The following ROBO2 variants were observed in gnomAD, a reference collection of about 807,000 sequenced individuals.
The protein encoded by ROBO2 is roundabout guidance receptor 2, also known as roundabout homolog 2.
ROBO2 carries 53 observed loss-of-function variants against 160.8 expected under a neutral mutation model. The ratio of observed to expected loss-of-function variants is 0.33; its 90% CI spans 0.26 to 0.41. The LOEUF is 0.41. ROBO2 is among the 10% of genes least tolerant of loss of function. The pLI is 1.00. For missense variants in ROBO2, 1,577 were observed against 1,722.4 expected (o/e 0.92, Z 1.49); for synonymous variants, 664 against 611.7 (o/e 1.09, Z -1.26).
At chr3:75,964,761 T>C (rs1391465983) in intron 2 of ROBO2, among the ~76,000 whole-genome samples, 2 of 151,640 alleles carry the variant, frequency 1.3e-5, no homozygotes, top group African/African-American at 2.4e-5. Flanking sequence ...TATCCCTGCA[T>C]TCTTATCATG....
intron 2 of ROBO2, among the ~76,000 whole-genome samples, chr3:77,299,547 A>G (rs1426272515): frequency 6.6e-6 from 1 of 152,162 alleles, no homozygotes; most frequent in Non-Finnish European, 1.5e-5. Flanking sequence ...GCAAAGGGGA[A>G]AAAGCCCCTT....
chr3:77,048,154 C>A (rs2064876238), intron 1 of ROBO2, among the ~76,000 whole-genome samples: 1 of 152,134 alleles, frequency 6.6e-6, no homozygotes, highest in Non-Finnish European at 1.5e-5. Flanking sequence ...TTATTCCCTG[C>A]CTAGTATGAA....
chr3:76,140,557 T>C (rs1286482899), intron 2 of ROBO2, among the ~76,000 whole-genome samples: 2 of 151,986 alleles, frequency 1.3e-5, no homozygotes, highest in African/African-American at 2.4e-5. Context: ...TATCACTTTA[T>C]AGTCTACCTG....
intron 2 of ROBO2, among the ~76,000 whole-genome samples, chr3:76,492,672 C>T (rs570049670): frequency 2.6e-5 from 4 of 151,958 alleles, no homozygotes; most frequent in African/African-American, 4.8e-5. Flanking sequence ...ATTTGTCCAT[C>T]GTCTTGTATG....
chr3:77,540,695 C>G (rs1243833443), intron 6 of ROBO2, among the ~76,000 whole-genome samples: 1 of 152,194 alleles, frequency 6.6e-6, no homozygotes, highest in Non-Finnish European at 1.5e-5. Flanking sequence ...ACCTATGTAA[C>G]AAACCCGCAC....
chr3:75,968,782 AT>A (rs2064889463), intron 2 of ROBO2, among the ~76,000 whole-genome samples: 1 of 42,042 alleles, frequency 2.4e-5, no homozygotes, highest in Non-Finnish European at 7.6e-5. Flanking sequence ...CTGTTTCTAT[AT>A]ACTTGGCTTG....
At chr3:76,269,270 C>T (rs1002934529) in intron 2 of ROBO2, among the ~76,000 whole-genome samples, 3 of 152,062 alleles carry the variant, frequency 2.0e-5, no homozygotes, top group Admixed American at 2.0e-4. Flanking sequence ...CAAAACGTCT[C>T]ATGTACCTCA....
In ROBO2 at chr3:76,322,164, G is replaced by GTATATATATATA. The variant is rs200388202; in HGVS notation, c.109+384591_109+384602dup. On this transcript the variant is annotated intron_variant, in intron 2 of 26. Coordinates refer to the ROBO2 transcript ENST00000487694. ...ATTTGAAATGATTTCTACTTCTTCC[G>GTATATATATATA]TATATATATATATATATATATATAT... Among the ~76,000 whole-genome samples the GTATATATATATA allele has an allele frequency of 2.7e-3, 287 of 108,024 alleles. 2 individuals carry two copies. The highest frequency in any genetic ancestry group is 4.3e-3 in the African/African-American group (96 of 22,452). 70.9% of individuals were successfully genotyped at this position (108,024 alleles called of 152,430 possible). A position where few individuals can be genotyped will look rare whatever the true frequency, so the allele number is the denominator to read the frequency against.
chr3:77,631,340 C>G (rs2095158164), intron 23 of ROBO2: 1 of 152,066 alleles, frequency 6.6e-6, no homozygotes, highest in African/African-American at 2.4e-5. Flanking sequence ...AGGCAACACT[C>G]CTAACTATTC....
At chr3:76,617,921 C>T (rs778878416) in intron 2 of ROBO2, among the ~76,000 whole-genome samples, 4 of 151,552 alleles carry the variant, frequency 2.6e-5, no homozygotes, top group Admixed American at 6.6e-5. Context: ...GATTCAATTA[C>T]CTCCCACTGG....
intron 2 of ROBO2, among the ~76,000 whole-genome samples, chr3:77,216,076 A>T (rs2084900882): frequency 6.6e-6 from 1 of 152,174 alleles, no homozygotes; most frequent in African/African-American, 2.4e-5. Flanking sequence ...CTCCAGCTGC[A>T]TGCTGGGAGA....
chr3:75,954,192 TTTC>T (rs529229520), intron 2 of ROBO2, among the ~76,000 whole-genome samples: 190 of 151,912 alleles, frequency 1.3e-3, no homozygotes, highest in African/African-American at 4.5e-3. Flanking sequence ...ATGTCTGAGT[TTTC>T]TTCTTCTCTG....
At chr3:77,096,586 T>G (rs1334649810) in intron 1 of ROBO2, among the ~76,000 whole-genome samples, 4 of 151,894 alleles carry the variant, frequency 2.6e-5, no homozygotes, top group Admixed American at 1.3e-4. Context: ...GTAGCTGGGA[T>G]TATAGGTGTC....
At chr3:75,969,111 C>CT (rs915595806) in intron 2 of ROBO2, among the ~76,000 whole-genome samples, 13 of 148,938 alleles carry the variant, frequency 8.7e-5, no homozygotes, top group East Asian at 2.0e-4. Context: ...CAATTTTAAT[C>CT]TTTTTTTTAA....
Position 77,107,499 on chromosome 3 carries a change from C to G in ROBO2, c.388+9159C>G, listed in dbSNP as rs1023512818. Among the ~76,000 whole-genome samples, 3 of 152,100 alleles carry G rather than the reference C, an allele frequency of 2.0e-5. 1 individual carries two copies. Among genetic ancestry groups the G allele is most frequent in the Middle Eastern group, 3.2e-3 (1 of 316 alleles). On this transcript the variant is annotated intron_variant, in intron 2 of 25. Transcript: ENST00000461745. Reference sequence around the variant, plus strand: ...GCGAATTAAAAATAATTTTTAAAAACTAACAAAAATATACCAACAAGAAAT... The same window carrying G: ...GCGAATTAAAAATAATTTTTAAAAAGTAACAAAAATATACCAACAAGAAAT...
At chr3:76,080,299 A>C (rs1307888429) in intron 2 of ROBO2, among the ~76,000 whole-genome samples, 1 of 152,202 alleles carries the variant, frequency 6.6e-6, no homozygotes, top group African/African-American at 2.4e-5. Flanking sequence ...TGGTTGCCTC[A>C]AATATCCCAA....
At chr3:76,087,563 G>A (rs2069063093) in intron 2 of ROBO2, among the ~76,000 whole-genome samples, 1 of 151,846 alleles carries the variant, frequency 6.6e-6, no homozygotes, top group Non-Finnish European at 1.5e-5. Context: ...AGGTTACAAA[G>A]TCATATCTAC....
chr3:76,402,757 A>G (rs917338618), intron 2 of ROBO2, among the ~76,000 whole-genome samples: 14 of 151,676 alleles, frequency 9.2e-5, no homozygotes, highest in African/African-American at 3.4e-4. Flanking sequence ...AAAGCCAGCA[A>G]CTGGGGGTCA....
intron 2 of ROBO2, among the ~76,000 whole-genome samples, chr3:76,554,967 G>T (rs956137598): frequency 2.0e-5 from 3 of 151,580 alleles, no homozygotes; most frequent in Non-Finnish European, 1.5e-5. Context: ...GTTGATGCTT[G>T]CACAACAAAA....
Sources: allele counts gnomAD v4.1 joint callset (sites outside exome capture counted in the v4.1 genomes callset), GRCh38; gene constraint gnomAD v4.1.1; transcripts MANE v1.5; gene names NCBI Gene and HGNC (gene_info 2026-07-23, HGNC 2026-07-21).